The following RORB variants were observed in gnomAD, a reference collection of about 807,000 sequenced individuals.
The protein encoded by RORB is nuclear receptor ROR-beta.
In RORB, 6 loss-of-function variants were observed where a neutral mutation model predicts 59.1. The observed-to-expected ratio is 0.10, with a 90% CI of 0.06 to 0.20. RORB has a LOEUF of 0.20. Ranked by LOEUF, RORB falls within the 10% of genes least tolerant of loss-of-function variation. The pLI is 1.00. For missense variants in RORB, 320 were observed against 560.5 expected (o/e 0.57, Z 4.33); for synonymous variants, 215 against 204.5 (o/e 1.05, Z -0.44).
chr9:74,619,230 T>C (rs1247448812), intron 1 of RORB, among the ~76,000 whole-genome samples: 1 of 152,204 alleles, frequency 6.6e-6, no homozygotes, highest in Non-Finnish European at 1.5e-5. Context: ...ACTTGCTCAC[T>C]TTCCAAGACC....
At chr9:74,681,696 G>A (rs1025994059) in intron 9 of RORB, among the ~76,000 whole-genome samples, 3 of 152,094 alleles carry the variant, frequency 2.0e-5, no homozygotes, top group East Asian at 1.9e-4. Context: ...AACCAGACAC[G>A]TAATTAAATA....
Position 74,512,700 on chromosome 9 carries a change from T to C in RORB, c.7+14717T>C, listed in dbSNP as rs1825958737. ...TGCCCATAATGCTGAGATTGAGAAA[T>C]GTTGCCCTAGGACTATATGAAGGTT... is the stretch of plus-strand genomic sequence containing the variant. On this transcript the variant is annotated intron_variant, in intron 1 of 9. Coordinates refer to ENST00000376896, the MANE Select transcript of RORB (RefSeq NM_006914.4). Among the ~76,000 whole-genome samples the C allele has an allele frequency of 1.3e-5, 2 of 152,154 alleles. 1 individual carries two copies. Among genetic ancestry groups the C allele is most frequent in the South Asian group, 4.1e-4 (2 of 4,830 alleles).
chr9:74,672,188 A>T (rs1824357885), intron 9 of RORB, among the ~76,000 whole-genome samples: 1 of 152,230 alleles, frequency 6.6e-6, no homozygotes, highest in African/African-American at 2.4e-5. Context: ...CACTCAAAGC[A>T]AGGAAACAGG....
At chr9:74,606,694 T>G (rs1294304214) in intron 1 of RORB, among the ~76,000 whole-genome samples, 2 of 152,226 alleles carry the variant, frequency 1.3e-5, no homozygotes, top group Non-Finnish European at 2.9e-5. Flanking sequence ...GAAACTCAAC[T>G]CTTTCACTGG....
intron 3 of RORB, among the ~76,000 whole-genome samples, chr9:74,635,956 C>CAAAAAAAAAAAAAAAAAAAAAAAA (rs11364568): frequency 7.6e-6 from 1 of 131,652 alleles, no homozygotes; most frequent in South Asian, 2.4e-4. Context: ...CAAATTTGAC[C>CAAAAAAAAAAAAAAAAAAAAAAAA]AAAAAAAAAA....
rs940228427 is a variant in RORB at position 74,553,792 on chromosome 9, A to G, written c.7+55809A>G. Among the ~76,000 whole-genome samples, 58 of 152,290 alleles carry G rather than the reference A, an allele frequency of 3.8e-4. 1 individual carries two copies. Among genetic ancestry groups the G allele is most frequent in the African/African-American group, 1.3e-3 (54 of 41,570 alleles). ...CTTCAAAGAAAATTGGGATCTTATG[A>G]TTTCCTACAAAAACCAGAGTAGGCT... On this transcript the variant is annotated intron_variant, in intron 1 of 9. Transcript: ENST00000376896.
rs1824717271 is a variant in RORB, at chr9:74,690,159, T to C, written c.*4541T>C. ...CCATCTGCTTTAGACGAAGTGTTAT[T>C]TGATGTTCTGTTTCCAACTGTCAGT... is the stretch of plus-strand genomic sequence containing the variant. On this transcript the variant is annotated 3_prime_UTR_variant, in exon 10 of 10. Coordinates refer to ENST00000376896, the MANE Select transcript of RORB (RefSeq NM_006914.4). The C allele has an allele frequency of 6.6e-6, 1 of 152,158 alleles. No homozygotes were observed. Among genetic ancestry groups the C allele is most frequent in the Admixed American group, 6.5e-5 (1 of 15,278 alleles). 9.4% of individuals were successfully genotyped at this position (152,158 alleles called of 1,614,324 possible). A position where few individuals can be genotyped will look rare whatever the true frequency, so the allele number is the denominator to read the frequency against.
chr9:74,518,255 C>T (rs1020766001), intron 1 of RORB, among the ~76,000 whole-genome samples: 26 of 151,938 alleles, frequency 1.7e-4, no homozygotes, highest in African/African-American at 6.0e-4. Flanking sequence ...AGCTTCCCTC[C>T]GTGGCACCGT....
chr9:74,500,824 GTCC>G (rs1426153847), intron 1 of RORB, among the ~76,000 whole-genome samples: 1 of 152,192 alleles, frequency 6.6e-6, no homozygotes, highest in Non-Finnish European at 1.5e-5. Flanking sequence ...GCTGAACTGA[GTCC>G]CGGACACAGC....
chr9:74,555,217 A>G (rs1241549261), intron 1 of RORB, among the ~76,000 whole-genome samples: 1 of 152,190 alleles, frequency 6.6e-6, no homozygotes, highest in Non-Finnish European at 1.5e-5. Context: ...CCTGTCACAG[A>G]CGCAGGGCAC....
intron 1 of RORB, among the ~76,000 whole-genome samples, chr9:74,625,494 G>A (rs1170949588): frequency 6.6e-6 from 1 of 152,144 alleles, no homozygotes; most frequent in South Asian, 2.1e-4. Context: ...CACACCCACA[G>A]TCCCAGATAC....
Position 74,692,924 on chromosome 9 carries a change from T to A in RORB, c.*7306T>A, listed in dbSNP as rs527447061. The A allele has an allele frequency of 6.6e-6, 1 of 152,138 alleles. No homozygotes were observed. The allele number at this position is 152,138 out of a possible 1,614,324, so 9.4% of individuals were successfully genotyped here. A position where few individuals can be genotyped will look rare whatever the true frequency, so the allele number is the denominator to read the frequency against. On this transcript the variant is annotated 3_prime_UTR_variant, in exon 10 of 10. Transcript: ENST00000376896. ...CAGCCTGAGTCATTTAGGAAGTAAG[T>A]ATTGAGTTTTTTTAATCATAAATAT...
At chr9:74,560,188 A>G (rs1822374285) in intron 1 of RORB, among the ~76,000 whole-genome samples, 1 of 152,160 alleles carries the variant, frequency 6.6e-6, no homozygotes, top group Non-Finnish European at 1.5e-5. Context: ...GTAAGAATCC[A>G]TCTCTAGAAG....
intron 1 of RORB, among the ~76,000 whole-genome samples, chr9:74,516,959 T>G (rs1232929140): frequency 6.6e-6 from 1 of 152,054 alleles, no homozygotes; most frequent in Non-Finnish European, 1.5e-5. Context: ...GAAGGTTGAT[T>G]TGTTCTTTCA....
At chr9:74,499,277 C>T (rs1825770561) in intron 1 of RORB, 2 of 152,598 alleles carry the variant, frequency 1.3e-5, no homozygotes, top group Admixed American at 1.3e-4. Flanking sequence ...GATGCAATCA[C>T]TGGTCTCCTC....
chr9:74,577,634 G>T (rs1822657657), intron 1 of RORB, among the ~76,000 whole-genome samples: 1 of 152,088 alleles, frequency 6.6e-6, no homozygotes, highest in African/African-American at 2.4e-5. Context: ...CACCCATTAT[G>T]GATGCAAAGT....
intron 4 of RORB, among the ~76,000 whole-genome samples, chr9:74,658,301 CA>C (rs932116914): frequency 6.6e-6 from 1 of 152,128 alleles, no homozygotes; most frequent in African/African-American, 2.4e-5. Context: ...ACATGGTTGG[CA>C]GGGAAACTTT....
At chr9:74,634,206 A>C (rs959593342) in intron 2 of RORB, among the ~76,000 whole-genome samples, 2 of 152,174 alleles carry the variant, frequency 1.3e-5, no homozygotes, top group South Asian at 2.1e-4. Context: ...TTTTCTTACC[A>C]ATACTTCAAG....
chr9:74,615,103 A>G (rs1326469785), intron 1 of RORB, among the ~76,000 whole-genome samples: 1 of 152,224 alleles, frequency 6.6e-6, no homozygotes, highest in Non-Finnish European at 1.5e-5. Context: ...ATTTGACAGA[A>G]TAGGAACATG....
Sources: gnomAD v4.1 joint callset for allele counts (sites outside exome capture counted in the v4.1 genomes callset) on GRCh38, gnomAD v4.1.1 for gene constraint, MANE v1.5 for transcripts, NCBI Gene and HGNC (gene_info 2026-07-23, HGNC 2026-07-21) for gene names.